Variants in BMP2K observed in about 807,000 individuals in gnomAD.
BMP2K encodes the protein BMP2 inducible kinase.
BMP2K carries 74 observed loss-of-function variants against 116.0 expected under a neutral mutation model. The ratio of observed to expected loss-of-function variants is 0.64; its 90% CI spans 0.53 to 0.77. The LOEUF (loss-of-function observed/expected upper bound fraction) is 0.77, where lower values mean the gene tolerates loss of function less well. BMP2K is among the 30% of genes least tolerant of loss of function. The pLI, the probability that BMP2K is intolerant of heterozygous loss-of-function variation, is 0.00. For synonymous variants in BMP2K, 486 were observed against 502.5 expected (o/e 0.97, Z 0.44); for missense variants, 1,365 against 1,403.6 (o/e 0.97, Z 0.44).
intron 7 of BMP2K, among the ~76,000 whole-genome samples, chr4:78,851,417 T>G (rs1731244545): frequency 6.6e-6 from 1 of 152,062 alleles, no homozygotes; most frequent in African/African-American, 2.4e-5. Context: ...AATTTAACTT[T>G]TTATATATCT....
Position 78,912,025 on chromosome 4 carries a change from A to G in BMP2K, c.3478A>G (p.Lys1160Glu). Reference protein sequence around the residue: ...DPFGAAPFPSKQ With the variant: ...DPFGAAPFPSEQ Reference sequence around the variant, plus strand: ...ATTTGGTGCTGCTCCATTTCCTTCTAAACAGTAGATACTTCTGATGGATTC... The same window carrying G: ...ATTTGGTGCTGCTCCATTTCCTTCTGAACAGTAGATACTTCTGATGGATTC... The change falls in exon 16 of 16, where the codon AAA becomes GAA. Residue 1160 changes from lysine to glutamate, a missense_variant. Physicochemically the swap from Lys to Glu is moderately conservative, Grantham distance 56. Transcript: ENST00000502613. 1.9e-6 allele frequency: 3 copies of G among 1,605,840 alleles called. No individual in the cohort carries two copies. Among genetic ancestry groups the G allele is most frequent in the Non-Finnish European group, 2.6e-6 (3 of 1,175,020 alleles).
chr4:78,878,701 A>C (rs576433088), intron 13 of BMP2K, 33 bp from the exon 14 acceptor site: 1 of 1,510,186 alleles, frequency 6.6e-7, no homozygotes, highest in African/African-American at 1.4e-5. Flanking sequence ...TTTTCTTTCC[A>C]TCTTCTTTTT....
chr4:78,855,825 T>TA (rs1445461330), intron 7 of BMP2K, among the ~76,000 whole-genome samples: 1 of 150,454 alleles, frequency 6.6e-6, no homozygotes, highest in Non-Finnish European at 1.5e-5. Context: ...AGAGAAATAT[T>TA]ATTTCTTCGT....
At chr4:78,825,914 C>T (rs1319052415) in intron 1 of BMP2K, 123 bp from the exon 2 acceptor site, 3 of 706,436 alleles carry the variant, frequency 4.2e-6, no homozygotes, top group Non-Finnish European at 7.1e-6. Flanking sequence ...TAGCTTATTG[C>T]ACTTGTTTTT....
intron 15 of BMP2K, among the ~76,000 whole-genome samples, chr4:78,907,079 C>T (rs1009113094): frequency 6.6e-6 from 1 of 151,960 alleles, no homozygotes; most frequent in Non-Finnish European, 1.5e-5. Flanking sequence ...TGCCGAAAAA[C>T]TAGAAACAAC....
chr4:78,842,541 A>T lies in BMP2K; in HGVS notation c.546+14A>T. The stretch of plus-strand genomic sequence containing the variant: ...CGGGATCTGAAGGTAAGAACTTTAG[A>T]ATTCCTATGGATTAAGTAATAAGTT... On this transcript the variant is annotated intron_variant, in intron 4 of 15. Coordinates refer to ENST00000502613, the MANE Select transcript of BMP2K (RefSeq NM_198892.2). The T allele has an allele frequency of 1.3e-6, 2 of 1,557,790 alleles. No individual in the cohort carries two copies. The highest frequency in any genetic ancestry group is 1.8e-6 in the Non-Finnish European group (2 of 1,141,354).
intron 7 of BMP2K, among the ~76,000 whole-genome samples, chr4:78,855,872 A>G (rs1731484400): frequency 6.6e-6 from 1 of 152,172 alleles, no homozygotes; most frequent in Non-Finnish European, 1.5e-5. Flanking sequence ...TATTTATAGT[A>G]GAATCAGATT....
At position 78,914,310 on chromosome 4, in the gene BMP2K, A is replaced by T. The variant is rs1734858336; in HGVS notation, c.*2277A>T. The T allele has an allele frequency of 6.6e-6, 1 of 152,140 alleles. No homozygotes were observed. Among genetic ancestry groups the T allele is most frequent in the Admixed American group, 6.6e-5 (1 of 15,260 alleles). The allele number at this position is 152,140 out of a possible 1,614,324, so 9.4% of individuals were successfully genotyped here. A position where few individuals can be genotyped will look rare whatever the true frequency, so the allele number is the denominator to read the frequency against. ...TTGACTTATAAATTCTGAGGAAACAACTGACAGCATAAAATATTTACATTC... is the reference window on the plus strand; with the variant it reads ...TTGACTTATAAATTCTGAGGAAACATCTGACAGCATAAAATATTTACATTC... On this transcript the variant is annotated 3_prime_UTR_variant, in exon 16 of 16. Transcript: ENST00000502613.
chr4:78,797,721 C>T (rs768060024), intron 1 of BMP2K, among the ~76,000 whole-genome samples: 5 of 152,062 alleles, frequency 3.3e-5, no homozygotes, highest in African/African-American at 1.2e-4. Context: ...AAGCTTGTCA[C>T]ATATGTTTTA....
rs1046206527 is a variant in BMP2K, at chr4:78,915,508, A to G, written c.*3475A>G. On this transcript the variant is annotated 3_prime_UTR_variant, in exon 16 of 16. Transcript: ENST00000502613. ...TAGCAAACTTGTTATTTTAGGTCCA[A>G]TTATTGAGTTGACAGTCTACTGTGA... The G allele has an allele frequency of 2.0e-5, 3 of 151,764 alleles. No homozygotes were observed. Among genetic ancestry groups the G allele is most frequent in the East Asian group, 1.9e-4 (1 of 5,198 alleles). The allele number at this position is 151,764 out of a possible 1,614,324, so 9.4% of individuals were successfully genotyped here.
At chr4:78,861,489 A>T (rs1731787734) in intron 9 of BMP2K, 21 bp downstream of exon 9, 1 of 1,574,410 alleles carries the variant, frequency 6.4e-7, no homozygotes, top group Non-Finnish European at 8.7e-7. Flanking sequence ...CTATGCTGAA[A>T]TTGAAAAGGC....
Position 78,811,435 on chromosome 4 carries a change from G to A in BMP2K, c.179-14602G>A, listed in dbSNP as rs1729085879. On this transcript the variant is annotated intron_variant, in intron 1 of 15. Transcript: ENST00000502613. ...ATTTATATTAAAGTTATGGTTATAT[G>A]TACTGCTAGATATTTGTAAATGAAA... 2.0e-5 allele frequency among the ~76,000 whole-genome samples: 3 copies of A among 152,128 alleles called. No homozygotes were observed. In the South Asian group the frequency reaches 6.2e-4, roughly 32 times the overall value.
chr4:78,842,578 G>A lies in BMP2K; in HGVS notation c.546+51G>A. ...TTAAGTAATAAGTTGGAGTTAAAAT[G>A]TTCTTGGAGTATTTTCATCTAAATC... On this transcript the variant is annotated intron_variant, in intron 4 of 15. Coordinates refer to ENST00000502613, the MANE Select transcript of BMP2K (RefSeq NM_198892.2). 5 of 1,459,278 alleles carry A rather than the reference G, an allele frequency of 3.4e-6. 1 individual carries two copies. In the South Asian group the frequency reaches 5.9e-5, roughly 17 times the overall value. 90.4% of individuals were successfully genotyped at this position (1,459,278 alleles called of 1,614,324 possible).
At chr4:78,814,446 CAT>C (rs1193346537) in intron 1 of BMP2K, among the ~76,000 whole-genome samples, 10 of 152,212 alleles carry the variant, frequency 6.6e-5, no homozygotes, top group Non-Finnish European at 1.3e-4. Context: ...ATAATCCCCA[CAT>C]GTCATGGGAG....
chr4:78,902,052 A>G (rs1219780938), intron 15 of BMP2K, among the ~76,000 whole-genome samples: 1 of 152,170 alleles, frequency 6.6e-6, no homozygotes, highest in African/African-American at 2.4e-5. Flanking sequence ...GCCATTTTAT[A>G]AGCTACAATG....
intron 5 of BMP2K, among the ~76,000 whole-genome samples, chr4:78,846,220 T>C (rs990767407): frequency 2.6e-5 from 4 of 151,638 alleles, no homozygotes; most frequent in Non-Finnish European, 5.9e-5. Context: ...GCTCAATTAA[T>C]GGACTTACCA....
Position 78,812,499 on chromosome 4 carries a change from T to C in BMP2K, c.179-13538T>C, listed in dbSNP as rs559561634. Among the ~76,000 whole-genome samples, 4 of 152,362 alleles carry C rather than the reference T, an allele frequency of 2.6e-5. No individual in the cohort carries two copies. The East Asian group carries it at 7.7e-4, about 29-fold the overall frequency. On this transcript the variant is annotated intron_variant, in intron 1 of 15. Transcript: ENST00000502613. ...TAACTTGGTATGTCCAAAACTGTGCTGTTGATATTCTGCCTACACCTTCTC... is the reference window on the plus strand; with the variant it reads ...TAACTTGGTATGTCCAAAACTGTGCCGTTGATATTCTGCCTACACCTTCTC...
At chr4:78,786,320 C>T (rs538837113) in intron 1 of BMP2K, among the ~76,000 whole-genome samples, 1 of 152,170 alleles carries the variant, frequency 6.6e-6, no homozygotes, top group South Asian at 2.1e-4. Flanking sequence ...CAAGCCCTCT[C>T]CAGGCACTGA....
chr4:78,852,779 A>C (rs1731321833), intron 7 of BMP2K, among the ~76,000 whole-genome samples: 1 of 151,796 alleles, frequency 6.6e-6, no homozygotes, highest in South Asian at 2.1e-4. Context: ...TTAATTTTTA[A>C]ATTTTTGTAG....
Sources: allele counts gnomAD v4.1 joint callset (sites outside exome capture counted in the v4.1 genomes callset), GRCh38; gene constraint gnomAD v4.1.1; transcripts MANE v1.5; gene names NCBI Gene and HGNC (gene_info 2026-07-23, HGNC 2026-07-21).